NAV3: variants seen among roughly 807,000 people sequenced by gnomAD.
The protein encoded by NAV3 is pore membrane and/or filament interacting like protein 1.
In NAV3, 87 loss-of-function variants were observed where a neutral mutation model predicts 244.7. That is an observed-to-expected ratio of 0.36 (90% confidence interval 0.30 to 0.42). NAV3 has a LOEUF of 0.42. Among genes scored for constraint, NAV3 ranks in the 20% least tolerant of loss-of-function variants. The pLI, the probability that NAV3 is intolerant of heterozygous loss-of-function variation, is 1.00. For synonymous variants in NAV3, 1,126 were observed against 1,042.2 expected, an observed-to-expected ratio of 1.08 and a Z score of -1.55; for missense variants, 2,663 against 2,893.3, an observed-to-expected ratio of 0.92 and a Z score of 1.83.
In NAV3 at chr12:77,748,794, T is replaced by A. The variant is rs1868689867; in HGVS notation, c.72+176528T>A. ...TTCTGTTATAAATAAGTTCTAGAGATCTACTGTACAGCATGGTGACTCTAG... is the reference window on the plus strand; with the variant it reads ...TTCTGTTATAAATAAGTTCTAGAGAACTACTGTACAGCATGGTGACTCTAG... On this transcript the variant is annotated intron_variant, in intron 2 of 8. Coordinates refer to the NAV3 transcript ENST00000550042. Among the ~76,000 whole-genome samples the A allele has an allele frequency of 3.9e-5, 6 of 152,086 alleles. No individual in the cohort carries two copies. In the South Asian group the frequency reaches 1.2e-3, roughly 31 times the overall value.
intron 2 of NAV3, among the ~76,000 whole-genome samples, chr12:77,641,428 A>T (rs1313150273): frequency 6.6e-6 from 1 of 152,144 alleles, no homozygotes; most frequent in Non-Finnish European, 1.5e-5. Context: ...GAATACTGTG[A>T]TTTTAGTTTT....
intron 2 of NAV3, among the ~76,000 whole-genome samples, chr12:77,656,845 C>T (rs1251879525): frequency 6.6e-6 from 1 of 151,946 alleles, no homozygotes; most frequent in East Asian, 1.9e-4. Flanking sequence ...GAACAACCTG[C>T]TCCTGAATGA....
chr12:77,972,484 T>C (rs1893077547), intron 5 of NAV3, among the ~76,000 whole-genome samples: 1 of 152,138 alleles, frequency 6.6e-6, no homozygotes, highest in Non-Finnish European at 1.5e-5. Flanking sequence ...TGGGTAAAGA[T>C]TCAATATCTT....
In NAV3 at chr12:77,999,988, T is replaced by C. The variant is rs1297122812; in HGVS notation, c.880+1512T>C. Among the ~76,000 whole-genome samples, 12 of 152,346 alleles carry C rather than the reference T, an allele frequency of 7.9e-5. No individual in the cohort carries two copies. In the East Asian group the frequency reaches 2.3e-3, roughly 29 times the overall value. ...TATTGATATTCTAGCAAGAAATTAC[T>C]AGCAATGTTTGTAAATAGACTTAGA... On this transcript the variant is annotated intron_variant, in intron 7 of 39. Transcript: ENST00000397909.
intron 2 of NAV3, among the ~76,000 whole-genome samples, chr12:77,641,481 T>C (rs756116191): frequency 3.3e-5 from 5 of 152,096 alleles, no homozygotes; most frequent in Non-Finnish European, 5.9e-5. Flanking sequence ...GTTTTAATAA[T>C]TGAAATAGTA....
In NAV3 at chr12:78,060,574, G is replaced by GA. The variant is rs1884180097; in HGVS notation, c.2636+1459_2636+1460insA. On this transcript the variant is annotated intron_variant, in intron 12 of 39. Coordinates refer to ENST00000397909, the MANE Select transcript of NAV3 (RefSeq NM_001024383.2). The stretch of plus-strand genomic sequence containing the variant: ...GTGTTGAGTTTTAACAAATGTTTGT[G>GA]GAGTGAATGAACAAATTAATGAATA... 2.6e-5 allele frequency among the ~76,000 whole-genome samples: 4 copies of GA among 152,184 alleles called. No individual in the cohort carries two copies. In the South Asian group the frequency reaches 8.3e-4, roughly 32 times the overall value.
At chr12:78,017,368 A>G (rs1337235656) in intron 8 of NAV3, among the ~76,000 whole-genome samples, 1 of 152,118 alleles carries the variant, frequency 6.6e-6, no homozygotes, top group Non-Finnish European at 1.5e-5. Flanking sequence ...GGAAGGTCAA[A>G]GCGGAAGTGA....
At chr12:77,913,745 A>C (rs1240698708) in intron 1 of NAV3, among the ~76,000 whole-genome samples, 1 of 152,100 alleles carries the variant, frequency 6.6e-6, no homozygotes, top group African/African-American at 2.4e-5. Flanking sequence ...TCTCTCACTT[A>C]AGCTCTATCT....
At position 77,656,408 on chromosome 12, in the gene NAV3, C is replaced by G. The variant is rs1427299294; in HGVS notation, c.72+84142C>G. Among the ~76,000 whole-genome samples, 5 of 124,938 alleles carry G rather than the reference C, an allele frequency of 4.0e-5. 1 individual carries two copies. Among genetic ancestry groups the G allele is most frequent in the African/African-American group, 1.8e-4 (5 of 28,336 alleles). The allele number at this position is 124,938 out of a possible 152,430, so 82.0% of individuals were successfully genotyped here. On this transcript the variant is annotated intron_variant, in intron 2 of 8. Coordinates refer to the NAV3 transcript ENST00000550042. ...GGATCAATTCAACAAGAGGAGCTAA[C>G]TATCCTAAATATATATGCACCCAAT...
chr12:78,009,111 A>T (rs2136629998), intron 8 of NAV3, among the ~76,000 whole-genome samples: 1 of 152,294 alleles, frequency 6.6e-6, no homozygotes, highest in Admixed American at 6.5e-5. Flanking sequence ...TGTTTGCAAT[A>T]AAATATCCAG....
At chr12:77,979,207 C>T (rs1869070557) in intron 5 of NAV3, among the ~76,000 whole-genome samples, 1 of 122,318 alleles carries the variant, frequency 8.2e-6, no homozygotes, top group South Asian at 3.0e-4. Flanking sequence ...GACCTACTCT[C>T]TACAAAAAAT....
At chr12:78,100,571 T>C (rs34931655) in intron 12 of NAV3, among the ~76,000 whole-genome samples, 21,837 of 151,950 alleles carry the variant, frequency 0.14, 1,573 homozygotes, top group Non-Finnish European at 0.15. Context: ...GTTCCCTACT[T>C]GCACTCTACC....
chr12:77,856,980 A>C (rs79216281), intron 1 of NAV3, among the ~76,000 whole-genome samples: 1 of 152,106 alleles, frequency 6.6e-6, no homozygotes, highest in Non-Finnish European at 1.5e-5. Flanking sequence ...ATCTAAAACT[A>C]TTTTATGGCT....
intron 30 of NAV3, among the ~76,000 whole-genome samples, chr12:78,184,059 A>G (rs1323727604): frequency 3.3e-5 from 5 of 151,980 alleles, no homozygotes; most frequent in South Asian, 2.1e-4. Context: ...AGGATGACCT[A>G]TCTATCTAGA....
chr12:78,110,443 G>C (rs935128463), intron 12 of NAV3, among the ~76,000 whole-genome samples: 2 of 151,912 alleles, frequency 1.3e-5, no homozygotes, highest in African/African-American at 4.8e-5. Flanking sequence ...CCTAAAATTA[G>C]TATGGAATGA....
At chr12:78,046,249 A>G (rs890931374) in intron 9 of NAV3, among the ~76,000 whole-genome samples, 2 of 151,940 alleles carry the variant, frequency 1.3e-5, no homozygotes, top group African/African-American at 4.8e-5. Flanking sequence ...CTCTGATCTT[A>G]GTTATTTCTT....
intron 1 of NAV3, among the ~76,000 whole-genome samples, chr12:77,865,766 A>G (rs1441601911): frequency 1.4e-5 from 2 of 145,992 alleles, no homozygotes; most frequent in African/African-American, 2.5e-5. Flanking sequence ...ATACACATAT[A>G]CTACATATAT....
In NAV3 at chr12:77,831,705, GT is replaced by G; in HGVS notation, c.243+3del. 6.3e-7 allele frequency: 1 copy of G among 1,597,914 alleles called. No individual in the cohort carries two copies. Among genetic ancestry groups the G allele is most frequent in the South Asian group, 1.1e-5 (1 of 88,158 alleles). ...AGCCAAGGAGAAAGAAGACAGCAAG[GT>G]TAGTTGCTGAAGTTACCTGCAGACT... On this transcript the variant is annotated splice_donor_variant, in intron 1 of 39. Transcript: ENST00000397909. LOFTEE classifies it high-confidence loss of function.
At chr12:77,882,183 A>G (rs1731754) in intron 1 of NAV3, among the ~76,000 whole-genome samples, 20,542 of 152,188 alleles carry the variant, frequency 0.13, 1,493 homozygotes, top group East Asian at 0.22. Flanking sequence ...ACTACACTCT[A>G]TGGATACAGT....
Sources: gnomAD v4.1 joint callset for allele counts (sites outside exome capture counted in the v4.1 genomes callset) on GRCh38, gnomAD v4.1.1 for gene constraint, MANE v1.5 for transcripts, NCBI Gene and HGNC (gene_info 2026-07-23, HGNC 2026-07-21) for gene names.